The following RBM38 variants were observed in gnomAD, a reference collection of about 807,000 sequenced individuals.
RBM38 encodes RNA binding motif protein 38.
RBM38 carries 11 observed loss-of-function variants against 23.5 expected under a neutral mutation model. The ratio of observed to expected loss-of-function variants is 0.47; its 90% CI spans 0.29 to 0.77. The LOEUF is 0.77. Ranked by LOEUF, RBM38 falls within the 30% of genes least tolerant of loss-of-function variation. RBM38 has a pLI of 0.08. For missense variants in RBM38, 330 were observed against 351.9 expected (o/e 0.94, Z 0.50); for synonymous variants, 165 against 166.1 (o/e 0.99, Z 0.05).
intron 3 of RBM38, among the ~76,000 whole-genome samples, chr20:57,401,301 G>A (rs368198424): frequency 4.1e-4 from 63 of 152,306 alleles, no homozygotes; most frequent in African/African-American, 1.4e-3. Flanking sequence ...GAGGTCACCC[G>A]GGGCCGCCAG....
At chr20:57,395,227 G>A (rs73291899) in intron 3 of RBM38, among the ~76,000 whole-genome samples, 2,859 of 152,276 alleles carry the variant, frequency 0.019, 76 homozygotes, top group African/African-American at 0.065. Context: ...GTCTGGGCCT[G>A]GGGGCGGGTG....
At chr20:57,402,018 G>A (rs2067333100) in intron 3 of RBM38, among the ~76,000 whole-genome samples, 1 of 152,142 alleles carries the variant, frequency 6.6e-6, no homozygotes. Flanking sequence ...CTTGATCTCA[G>A]CTCACTGCAG....
chr20:57,407,665 C>T lies in RBM38; in HGVS notation c.539C>T (p.Ala180Val), dbSNP rs746735409. 1.9e-6 allele frequency: 3 copies of T among 1,613,018 alleles called. No individual in the cohort carries two copies. The highest frequency in any genetic ancestry group is 2.2e-5 in the South Asian group (2 of 91,088). The change falls in exon 4 of 4, where the codon GCC becomes GTC. Residue 180 changes from alanine to valine, a missense_variant. Transcript: ENST00000356208. This position sits in a 1 kb window ranked among gnomAD's most constrained non-coding sequence, Gnocchi z 4.0. ...IEYTPASPAY[A>V]QYPPATYDQY... ...TACACGCCGGCCAGCCCGGCCTACG[C>T]CCAGTACCCACCGGCCACCTATGAC...
chr20:57,397,151 C>A (rs2067282552), intron 3 of RBM38, among the ~76,000 whole-genome samples: 1 of 152,224 alleles, frequency 6.6e-6, no homozygotes, highest in South Asian at 2.1e-4. Context: ...AACGGTCACA[C>A]TGCCTTCCCT....
intron 3 of RBM38, among the ~76,000 whole-genome samples, chr20:57,403,768 C>T (rs1242459690): frequency 6.6e-6 from 1 of 152,168 alleles, no homozygotes; most frequent in Non-Finnish European, 1.5e-5. Context: ...ATTACAGGCT[C>T]CCGCCACCAC....
At chr20:57,401,128 C>A (rs1568810683) in intron 3 of RBM38, among the ~76,000 whole-genome samples, 1 of 152,222 alleles carries the variant, frequency 6.6e-6, no homozygotes, top group African/African-American at 2.4e-5. Flanking sequence ...GCTGCTGCCC[C>A]CTGACCTGGG....
intron 1 of RBM38, 49 bp downstream of exon 1, chr20:57,391,867 C>T (rs2146197991): frequency 3.7e-6 from 5 of 1,338,184 alleles, no homozygotes; most frequent in Non-Finnish European, 3.9e-6. Context: ...CACCTTATCG[C>T]GGCCCGGGCG....
At chr20:57,393,005 G>A in intron 2 of RBM38, 1 of 681,768 alleles carries the variant, frequency 1.5e-6, no homozygotes, top group Non-Finnish European at 2.4e-6. Context: ...CTGCACCCCA[G>A]TTGCCAGCTG....
chr20:57,403,184 G>C (rs145318361), intron 3 of RBM38, among the ~76,000 whole-genome samples: 1 of 152,308 alleles, frequency 6.6e-6, no homozygotes, highest in African/African-American at 2.4e-5. Flanking sequence ...GTTGGGAATC[G>C]CTGTTCTAGT....
intron 3 of RBM38, among the ~76,000 whole-genome samples, chr20:57,395,333 G>GA (rs1416887247): frequency 6.6e-6 from 1 of 152,162 alleles, no homozygotes; most frequent in Non-Finnish European, 1.5e-5. Flanking sequence ...CTTGGTGGGG[G>GA]ACGGTGGGAA....
chr20:57,404,981 G>T (rs531482068), intron 3 of RBM38, among the ~76,000 whole-genome samples: 1 of 152,334 alleles, frequency 6.6e-6, no homozygotes, highest in South Asian at 2.1e-4. Context: ...CCACGAGAGG[G>T]TTGTGCACAG....
chr20:57,399,811 C>T (rs907287108), intron 3 of RBM38: 1 of 448,526 alleles, frequency 2.2e-6, no homozygotes, highest in East Asian at 7.0e-5. Flanking sequence ...CCACACCCAG[C>T]CAGGCGGGAG....
chr20:57,403,017 G>A (rs556778592), intron 3 of RBM38, among the ~76,000 whole-genome samples: 18 of 152,324 alleles, frequency 1.2e-4, no homozygotes, highest in African/African-American at 4.3e-4. Flanking sequence ...TGTTGTGGGG[G>A]CACCCTGAGC....
intron 3 of RBM38, among the ~76,000 whole-genome samples, chr20:57,393,581 G>A (rs920946179): frequency 6.6e-6 from 1 of 152,252 alleles, no homozygotes; most frequent in East Asian, 1.9e-4. Context: ...CGCTAGGTGT[G>A]TGGCCTCAGT....
chr20:57,394,074 A>G (rs908224860), intron 3 of RBM38, among the ~76,000 whole-genome samples: 4 of 152,122 alleles, frequency 2.6e-5, no homozygotes, highest in African/African-American at 9.7e-5. Flanking sequence ...TGTCTGCCCT[A>G]GCGCCGTGGC....
rs11546710 is a variant in RBM38 at position 57,408,017 on chromosome 20, C to T, written c.*171C>T. 136,255 of 737,734 alleles carry T rather than the reference C, an allele frequency of 0.18. 14,216 individuals are homozygous for T. Among genetic ancestry groups the T allele is most frequent in the Middle Eastern group, 0.22 (572 of 2,576 alleles). The allele number at this position is 737,734 out of a possible 1,614,324, so 45.7% of individuals were successfully genotyped here. ...CCTGCGCCCTGGGACAGCGGAGAGACGGCTTCTCTTTAATCTAGGTCCCAT... is the reference window on the plus strand; with the variant it reads ...CCTGCGCCCTGGGACAGCGGAGAGATGGCTTCTCTTTAATCTAGGTCCCAT... On this transcript the variant is annotated 3_prime_UTR_variant, in exon 4 of 4. Transcript: ENST00000356208.
rs552230951 is a variant in RBM38 at position 57,409,023 on chromosome 20, G to C, written c.*1177G>C. The C allele has an allele frequency of 6.5e-6, 1 of 152,802 alleles. No individual in the cohort carries two copies. Among genetic ancestry groups the C allele is most frequent in the Non-Finnish European group, 1.5e-5 (1 of 68,158 alleles). 9.5% of individuals were successfully genotyped at this position (152,802 alleles called of 1,614,324 possible). ...CACCTGCTGTGTGCCAGCCTGAGAC[G>C]GTTCCTGCCTGTCTTGGGGGTTGGT... On this transcript the variant is annotated 3_prime_UTR_variant, in exon 4 of 4. Coordinates refer to ENST00000356208, the MANE Select transcript of RBM38 (RefSeq NM_017495.6).
rs1002620718 is a variant in RBM38, at chr20:57,407,234, A to G, written c.417-309A>G. Among the ~76,000 whole-genome samples the G allele has an allele frequency of 6.6e-6, 1 of 152,072 alleles. No individual in the cohort carries two copies. Among genetic ancestry groups the G allele is most frequent in the Non-Finnish European group, 1.5e-5 (1 of 68,004 alleles). ...CTCAATCATTTGAAAACAACCATTC[A>G]AGATTTTTATTTTTGCACCAGCTCC... On this transcript the variant is annotated intron_variant, in intron 3 of 3. Coordinates refer to ENST00000356208, the MANE Select transcript of RBM38 (RefSeq NM_017495.6). This position sits in a 1 kb window ranked among gnomAD's most constrained non-coding sequence, Gnocchi z 4.0.
At chr20:57,392,281 TCCAAG>T in intron 1 of RBM38, 2 of 537,566 alleles carry the variant, frequency 3.7e-6, no homozygotes, top group South Asian at 3.5e-5. Flanking sequence ...CTGCTTACCT[TCCAAG>T]CATAGCGTCG....
Sources: gnomAD v4.1 joint callset for allele counts (sites outside exome capture counted in the v4.1 genomes callset) on GRCh38, gnomAD v4.1.1 for gene constraint, Gnocchi (gnomAD v3.1) non-coding constraint, MANE v1.5 for transcripts, NCBI Gene and HGNC (gene_info 2026-07-23, HGNC 2026-07-21) for gene names.